Variants in VEGFD observed in about 807,000 individuals in gnomAD.
VEGFD encodes vascular endothelial growth factor D, also known as c-fos induced growth factor (vascular endothelial growth factor D).
In VEGFD, 26 loss-of-function variants were observed where a neutral mutation model predicts 28.0. The observed-to-expected ratio is 0.93, with a 90% CI of 0.68 to 1.29. The LOEUF is 1.29. Among genes scored for constraint, VEGFD ranks in the 50% most tolerant of loss-of-function variants. The pLI, the probability that VEGFD is intolerant of heterozygous loss-of-function variation, is 0.00. For missense variants in VEGFD, 294 were observed against 273.4 expected, an observed-to-expected ratio of 1.08 and a Z score of -0.53; for synonymous variants, 93 against 95.5, an observed-to-expected ratio of 0.97 and a Z score of 0.15.
In VEGFD at chrX:15,379,267, T is replaced by A. The variant is rs140049011; in HGVS notation, c.90+4590A>T. 5.4e-3 allele frequency among the ~76,000 whole-genome samples: 609 copies of A among 112,103 alleles called. 5 individuals carry two copies. The highest frequency in any genetic ancestry group is 0.018 in the African/African-American group (569 of 30,852). On this transcript the variant is annotated intron_variant, in intron 1 of 6. Coordinates refer to ENST00000297904, the MANE Select transcript of VEGFD (RefSeq NM_004469.5). The stretch of plus-strand genomic sequence containing the variant: ...TATTTCCTGCTGCATTCCCAGCCCC[T>A]AGACTTATTTCCTGCTTCATTCCCA...
intron 1 of VEGFD, among the ~76,000 whole-genome samples, chrX:15,368,158 GA>G (rs1179671519): frequency 2.8e-5 from 3 of 109,025 alleles, no homozygotes; most frequent in African/African-American, 1.0e-4. Flanking sequence ...GAAAGAGAAA[GA>G]AAGAAAGAAA....
At chrX:15,355,367 T>G (rs960098556) in intron 3 of VEGFD, 69 bp from the exon 4 acceptor site, 31 of 948,430 alleles carry the variant, frequency 3.3e-5, no homozygotes, top group Non-Finnish European at 4.1e-5. Context: ...GTTGTTCTAG[T>G]CTGAATTTTT....
chrX:15,378,238 G>T (rs892586074), intron 1 of VEGFD, among the ~76,000 whole-genome samples: 1 of 112,106 alleles, frequency 8.9e-6, no homozygotes, highest in East Asian at 2.8e-4. Context: ...AGGATGGCTT[G>T]TGCCTGGAAG....
At chrX:15,373,652 G>A (rs1167420813) in intron 1 of VEGFD, among the ~76,000 whole-genome samples, 2 of 111,543 alleles carry the variant, frequency 1.8e-5, no homozygotes, top group Admixed American at 1.9e-4. Flanking sequence ...TCCCTGGGGG[G>A]CGTGGTTCTC....
At chrX:15,351,307 G>A (rs1437337951) in intron 5 of VEGFD, among the ~76,000 whole-genome samples, 1 of 104,803 alleles carries the variant, frequency 9.5e-6, no homozygotes, top group East Asian at 3.0e-4. Context: ...TTTTAGTAGA[G>A]ACGGGGTTTC....
chrX:15,361,853 T>C, intron 2 of VEGFD, among the ~76,000 whole-genome samples: 1 of 110,736 alleles, frequency 9.0e-6, no homozygotes, highest in South Asian at 3.8e-4. Flanking sequence ...TCTTTGTTTT[T>C]TTGTTTTGTT....
chrX:15,353,357 A>G (rs923334445), intron 4 of VEGFD, among the ~76,000 whole-genome samples, 189 bp from the exon 5 acceptor site: 10 of 112,901 alleles, frequency 8.9e-5, no homozygotes, highest in Non-Finnish European at 5.6e-5. Flanking sequence ...GTCAATAATA[A>G]TAATGTATTT....
chrX:15,347,552 G>A, intron 5 of VEGFD, 193 bp from the exon 6 acceptor site: 1 of 317,406 alleles, frequency 3.2e-6, no homozygotes, highest in Non-Finnish European at 5.5e-6. Flanking sequence ...ACACAGGTTT[G>A]TGTGTTTTCT....
At chrX:15,374,133 G>T (rs1923378397) in intron 1 of VEGFD, among the ~76,000 whole-genome samples, 1 of 112,244 alleles carries the variant, frequency 8.9e-6, no homozygotes, top group Non-Finnish European at 1.9e-5. Flanking sequence ...TTCAAAACTG[G>T]CTTTGAATGG....
At chrX:15,376,754 G>A (rs191789271) in intron 1 of VEGFD, among the ~76,000 whole-genome samples, 14 of 111,754 alleles carry the variant, frequency 1.3e-4, no homozygotes, top group African/African-American at 4.2e-4. Context: ...ACTTATAAAC[G>A]AAGCACACCA....
chrX:15,370,173 T>A (rs895388064), intron 1 of VEGFD, among the ~76,000 whole-genome samples: 9 of 111,776 alleles, frequency 8.1e-5, no homozygotes, highest in Non-Finnish European at 1.7e-4. Context: ...CCAGTAACAC[T>A]AATGAATTGT....
chrX:15,358,358 G>A (rs145080990), intron 2 of VEGFD, among the ~76,000 whole-genome samples, 165 bp from the exon 3 acceptor site: 204 of 111,377 alleles, frequency 1.8e-3, no homozygotes, highest in Non-Finnish European at 2.8e-3. Context: ...ATTGTTTGCA[G>A]AGAAGTTACA....
At chrX:15,365,329 C>T (rs775203097) in intron 1 of VEGFD, among the ~76,000 whole-genome samples, 6 of 111,214 alleles carry the variant, frequency 5.4e-5, no homozygotes, top group Non-Finnish European at 7.5e-5. Flanking sequence ...GATGGGGTTT[C>T]GCCATGTTGC....
intron 3 of VEGFD, among the ~76,000 whole-genome samples, chrX:15,357,661 C>T (rs778405218): frequency 8.9e-6 from 1 of 111,823 alleles, no homozygotes; most frequent in African/African-American, 3.3e-5. Context: ...TTTTAACATC[C>T]TGTCCTAGTA....
In VEGFD at chrX:15,347,209, T is replaced by C. The variant is rs1922575025; in HGVS notation, c.893A>G (p.Glu298Gly). The change falls in exon 6 of 7, where the codon GAG becomes GGG. Residue 298 changes from glutamate to glycine, a missense_variant. Physicochemically the swap from Glu to Gly is moderately conservative, Grantham distance 98. Coordinates refer to ENST00000297904, the MANE Select transcript of VEGFD (RefSeq NM_004469.5). ...TAGCTTGTGCTTCTGGCAGCAGGTC[T>C]CCAGACTTTCTTTGCACTCAAAGCA... Reference protein sequence around the residue: ...CSCFECKESLETCCQKHKLFH... With the variant: ...CSCFECKESLGTCCQKHKLFH... 8.3e-7 allele frequency: 1 copy of C among 1,211,587 alleles called. No homozygotes were observed. The highest frequency in any genetic ancestry group is 3.0e-5 in the East Asian group (1 of 33,795).
chrX:15,373,824 A>T lies in VEGFD; in HGVS notation c.90+10033T>A, dbSNP rs376537754. Among the ~76,000 whole-genome samples the T allele has an allele frequency of 6.3e-5, 7 of 111,388 alleles. No homozygotes were observed. In the South Asian group the frequency reaches 2.6e-3, roughly 42 times the overall value. On this transcript the variant is annotated intron_variant, in intron 1 of 6. Coordinates refer to ENST00000297904, the MANE Select transcript of VEGFD (RefSeq NM_004469.5). The stretch of plus-strand genomic sequence containing the variant: ...GAAGAGCATTTTGCATTTCCTGTTT[A>T]ACCTGATGGTTCAAGCTCAACCAAA...
intron 1 of VEGFD, among the ~76,000 whole-genome samples, chrX:15,377,537 C>G (rs769875249): frequency 1.2e-4 from 13 of 112,310 alleles, no homozygotes; most frequent in African/African-American, 3.9e-4. Context: ...TTTTGACATT[C>G]TACAGTCAAA....
chrX:15,383,453 G>A (rs903205844), intron 1 of VEGFD, among the ~76,000 whole-genome samples: 4 of 112,147 alleles, frequency 3.6e-5, no homozygotes, highest in African/African-American at 6.5e-5. Context: ...TTTACCAAAC[G>A]AATAAACTAA....
chrX:15,365,035 G>A (rs1923111475), intron 1 of VEGFD, among the ~76,000 whole-genome samples: 1 of 112,187 alleles, frequency 8.9e-6, no homozygotes, highest in Non-Finnish European at 1.9e-5. Context: ...AATTACTTAT[G>A]TATTTTTACT....
Sources: gnomAD v4.1 joint callset for allele counts (sites outside exome capture counted in the v4.1 genomes callset) on GRCh38, gnomAD v4.1.1 for gene constraint, MANE v1.5 for transcripts, NCBI Gene and HGNC (gene_info 2026-07-23, HGNC 2026-07-21) for gene names.